DIP2A: variants seen among roughly 807,000 people sequenced by gnomAD.
The protein encoded by DIP2A is DIP2 acetate--CoA ligase A.
A neutral mutation model predicts 177.4 loss-of-function variants in DIP2A; 85 were observed. The observed-to-expected ratio is 0.48, with a 90% CI of 0.40 to 0.57. The LOEUF (loss-of-function observed/expected upper bound fraction) is 0.57, where lower values mean the gene tolerates loss of function less well. DIP2A is among the 20% of genes least tolerant of loss of function. The pLI, the probability that DIP2A is intolerant of heterozygous loss-of-function variation, is 0.00. For synonymous variants in DIP2A, 886 were observed against 881.8 expected (o/e 1.00, Z -0.08); for missense variants, 1,791 against 2,100.2 (o/e 0.85, Z 2.88).
intron 13 of DIP2A, among the ~76,000 whole-genome samples, chr21:46,536,449 A>G (rs2839311): frequency 0.36 from 55,170 of 152,076 alleles, 10,305 homozygotes; most frequent in Middle Eastern, 0.46. Context: ...AGGGTGATGC[A>G]AACCACCAGC....
At chr21:46,578,317 C>A in the DIP2A span, among the ~76,000 whole-genome samples, 1 of 150,164 alleles carries the variant, frequency 6.7e-6, no homozygotes, top group Non-Finnish European at 1.5e-5. Context: ...TCTCAAAAAA[C>A]AAACAAACAA....
chr21:46,490,309 G>T (rs954264210), intron 2 of DIP2A, among the ~76,000 whole-genome samples: 2 of 152,132 alleles, frequency 1.3e-5, no homozygotes, highest in Admixed American at 1.3e-4. Context: ...CCCCTGATGT[G>T]AGCTGCCATG....
rs2059833791 is a variant in DIP2A, at chr21:46,541,886, A to C, written c.2167A>C (p.Met723Leu). ...TACTGTTCAGGACGTTGGTCAGGTG[A>C]TGCCTGGAGGTAAGAGACATAACCA... is the stretch of plus-strand genomic sequence containing the variant. ...VLTVQDVGQV[M>L]PGANVCVVKL... The change falls in exon 18 of 38, where the codon ATG (methionine) becomes CTG (leucine). Residue 723 changes from methionine to leucine, a missense_variant. By Grantham distance (15) the Met-to-Leu change is conservative (BLOSUM62 2). Transcript: ENST00000417564. 2.5e-6 allele frequency: 4 copies of C among 1,614,058 alleles called. No homozygotes were observed. In the Middle Eastern group the frequency reaches 4.9e-4, roughly 200 times the overall value.
intron 16 of DIP2A, 114 bp downstream of exon 16, chr21:46,538,716 A>T (rs1438799817): frequency 7.1e-7 from 1 of 1,401,142 alleles, no homozygotes; most frequent in Admixed American, 2.2e-5. Context: ...TGTCATATAG[A>T]TACACATGTC....
chr21:46,467,254 C>T (rs2054915824), intron 1 of DIP2A, among the ~76,000 whole-genome samples: 1 of 147,368 alleles, frequency 6.8e-6, no homozygotes, highest in Non-Finnish European at 1.5e-5. Flanking sequence ...CGATATCGCA[C>T]CGCTGCACTC....
the DIP2A span, among the ~76,000 whole-genome samples, chr21:46,582,195 G>C: frequency 3.9e-5 from 6 of 152,308 alleles, no homozygotes; most frequent in African/African-American, 1.4e-4. Flanking sequence ...ATGGATCTGG[G>C]TCCCACCTAA....
intron 6 of DIP2A, among the ~76,000 whole-genome samples, chr21:46,505,285 A>G (rs2057914805): frequency 6.6e-6 from 1 of 152,180 alleles, no homozygotes; most frequent in Non-Finnish European, 1.5e-5. Flanking sequence ...ATTAAAGGGT[A>G]ATTGACATAA....
chr21:46,520,781 C>A (rs182666470), intron 8 of DIP2A, among the ~76,000 whole-genome samples: 23 of 152,310 alleles, frequency 1.5e-4, no homozygotes, highest in South Asian at 6.2e-4. Context: ...GGAACACAAA[C>A]CAATAACATA....
At chr21:46,485,838 T>C (rs1374803474) in intron 2 of DIP2A, among the ~76,000 whole-genome samples, 2 of 151,682 alleles carry the variant, frequency 1.3e-5, no homozygotes, top group East Asian at 1.9e-4. Flanking sequence ...TTTGGGAGGC[T>C]GAGGTGGGGG....
chr21:46,481,119 CA>C (rs780637489), intron 1 of DIP2A, among the ~76,000 whole-genome samples: 3 of 152,192 alleles, frequency 2.0e-5, no homozygotes, highest in Non-Finnish European at 4.4e-5. Context: ...AAACACTCCT[CA>C]TATTATCCCT....
At chr21:46,553,524 G>A (rs2060348486) in intron 25 of DIP2A, 1 of 152,514 alleles carries the variant, frequency 6.6e-6, no homozygotes, top group African/African-American at 2.4e-5. Flanking sequence ...CAGAGAGACA[G>A]GGTGAATGAA....
chr21:46,461,954 T>C (rs2054355782), intron 1 of DIP2A, among the ~76,000 whole-genome samples: 1 of 151,782 alleles, frequency 6.6e-6, no homozygotes, highest in Non-Finnish European at 1.5e-5. Context: ...CCCAGCTACT[T>C]GAGGGGCCGA....
At chr21:46,464,108 G>A (rs1173584014) in intron 1 of DIP2A, among the ~76,000 whole-genome samples, 4 of 151,774 alleles carry the variant, frequency 2.6e-5, no homozygotes, top group Non-Finnish European at 5.9e-5. Context: ...AAGTTCTCAT[G>A]TTCAGCCAGG....
intron 17 of DIP2A, among the ~76,000 whole-genome samples, chr21:46,541,524 C>T (rs1044995605): frequency 6.6e-6 from 1 of 152,192 alleles, no homozygotes; most frequent in Non-Finnish European, 1.5e-5. Context: ...CACACAGCAT[C>T]ACAACCACTG....
chr21:46,537,485 G>A lies in DIP2A; in HGVS notation c.1747G>A (p.Ala583Thr), dbSNP rs373888442. 16 of 1,614,042 alleles carry A rather than the reference G, an allele frequency of 9.9e-6. No individual in the cohort carries two copies. Among genetic ancestry groups the A allele is most frequent in the Non-Finnish European group, 8.5e-6 (10 of 1,180,026 alleles). ...NRMHVVSVPY[A>T]LMKANPLSWI... Reference sequence around the variant, plus strand: ...GATGCACGTGGTCAGCGTCCCCTACGCGCTGATGAAGGCGAACCCACTCTC... The same window carrying A: ...GATGCACGTGGTCAGCGTCCCCTACACGCTGATGAAGGCGAACCCACTCTC... The change falls in exon 15 of 38, where the codon GCG (alanine) becomes ACG (threonine). Residue 583 changes from alanine (A) to threonine (T), a missense_variant. Ala to Thr is a moderately conservative substitution (Grantham distance 58). Transcript: ENST00000417564. The surrounding 1 kb of genome is among the most constrained non-coding windows in gnomAD (Gnocchi z 4.1).
intron 2 of DIP2A, among the ~76,000 whole-genome samples, chr21:46,488,699 G>A (rs1396633278): frequency 1.3e-5 from 2 of 152,222 alleles, no homozygotes; most frequent in Non-Finnish European, 2.9e-5. Context: ...TGCTGACAGA[G>A]AGTGGAGAAA....
intron 1 of DIP2A, among the ~76,000 whole-genome samples, chr21:46,461,168 T>C (rs1033970585): frequency 1.3e-5 from 2 of 148,238 alleles, no homozygotes; most frequent in Non-Finnish European, 3.0e-5. Context: ...CATGGTGGTG[T>C]GCACCTGTAG....
chr21:46,484,768 CA>C lies in DIP2A; in HGVS notation c.108del (p.Gly37AspfsTer20), dbSNP rs1371769519. ...CATTGTTGTTTTAGGTGACATCACT[CA>C]AAAAGGATATGAAAAGAAAAGGGCA... ...ELELSEGDIT[Q>X]KGYEKKRAKL... On this transcript the variant is annotated frameshift_variant, in exon 2 of 38. Coordinates refer to ENST00000417564, the MANE Select transcript of DIP2A (RefSeq NM_015151.4). LOFTEE classifies it high-confidence loss of function. 1 of 1,575,014 alleles carries C rather than the reference CA, an allele frequency of 6.3e-7. No homozygotes were observed. Among genetic ancestry groups the C allele is most frequent in the Non-Finnish European group, 8.6e-7 (1 of 1,160,230 alleles).
chr21:46,545,931 C>T lies in DIP2A; in HGVS notation c.2364C>T (p.Thr788=). The T allele has an allele frequency of 6.2e-7, 1 of 1,614,020 alleles. No individual in the cohort carries two copies. The highest frequency in any genetic ancestry group is 8.5e-7 in the Non-Finnish European group (1 of 1,179,890). Residue 788 remains threonine (T), a synonymous_variant, in exon 20 of 38, where the codon ACC becomes ACT. Transcript: ENST00000417564. ...CACCCATCTTTGACAGGCCATTCAC[C>T]AGGACAGGCCTGCTGGGCTTCATCG... is the stretch of plus-strand genomic sequence containing the variant. ...GGAPIFDRPF[T]RTGLLGFIGP... is the part of the protein sequence containing the mutation.
Sources: gnomAD v4.1 joint callset for allele counts (sites outside exome capture counted in the v4.1 genomes callset) on GRCh38, gnomAD v4.1.1 for gene constraint, Gnocchi (gnomAD v3.1) non-coding constraint, MANE v1.5 for transcripts, NCBI Gene and HGNC (gene_info 2026-07-23, HGNC 2026-07-21) for gene names.